Variants in ARMCX4 observed in about 807,000 individuals in gnomAD.
ARMCX4 encodes armadillo repeat containing X-linked 4.
In ARMCX4, 3 loss-of-function variants were observed where a neutral mutation model predicts 34.7. The observed-to-expected ratio is 0.09, with a 90% CI of 0.04 to 0.22. The LOEUF (loss-of-function observed/expected upper bound fraction) is 0.22, where lower values mean the gene tolerates loss of function less well. ARMCX4 is among the 10% of genes least tolerant of loss of function. ARMCX4 has a pLI of 1.00. For synonymous variants in ARMCX4, 513 were observed against 632.8 expected (o/e 0.81, Z 2.84); for missense variants, 1,448 against 1,720.8 (o/e 0.84, Z 2.81).
At chrX:101,504,018 T>C (rs1335430778) in intron 7 of ARMCX4, among the ~76,000 whole-genome samples, 33 of 112,059 alleles carry the variant, frequency 2.9e-4, no homozygotes, top group Non-Finnish European at 5.3e-4. Context: ...TAGCCAGTTT[T>C]CCCAGCACCA....
At chrX:101,479,186 T>C (rs1226695726) in intron 4 of ARMCX4, among the ~76,000 whole-genome samples, 2 of 110,048 alleles carry the variant, frequency 1.8e-5, no homozygotes, top group African/African-American at 6.6e-5. Context: ...TGAAATCATT[T>C]TTCTAAAAAA....
In ARMCX4 at chrX:101,493,291, G is replaced by T. The variant is rs782102781; in HGVS notation, c.4702G>T (p.Ala1568Ser). The change falls in exon 6 of 6, where the codon GCT becomes TCT. Residue 1568 changes from alanine (A) to serine (S), a missense_variant. By Grantham distance (99) the Ala-to-Ser change is moderately conservative. Coordinates refer to ENST00000423738, the MANE Select transcript of ARMCX4 (RefSeq NM_001256155.3). ...GACTGGGGCTGGGGCTGTGGATCAG[G>T]CTGGTGGTTGTTCCAAACCTGGATT... The part of the protein sequence containing the change: ...CWTGAGAVDQ[A>S]GGCSKPGFED... The T allele has an allele frequency of 2.4e-5, 28 of 1,155,883 alleles. No individual in the cohort carries two copies. The East Asian group carries it at 9.1e-4, about 38-fold the overall frequency.
At chrX:101,458,534 C>A (rs1249993809) in intron 4 of ARMCX4, among the ~76,000 whole-genome samples, 1 of 101,122 alleles carries the variant, frequency 9.9e-6, no homozygotes, top group Non-Finnish European at 2.0e-5. Context: ...TTTTTTGAGA[C>A]GGAGTGCAAT....
chrX:101,428,006 A>G (rs1929738485), intron 2 of ARMCX4, among the ~76,000 whole-genome samples: 1 of 112,144 alleles, frequency 8.9e-6, no homozygotes, highest in South Asian at 3.7e-4. Context: ...ATAGCATTCT[A>G]TAATTCAACA....
At chrX:101,438,124 A>C (rs1465740134) in intron 2 of ARMCX4, among the ~76,000 whole-genome samples, 1 of 111,672 alleles carries the variant, frequency 9.0e-6, no homozygotes, top group Non-Finnish European at 1.9e-5. Context: ...GGTGCTGAAA[A>C]GAATGTATGT....
At chrX:101,518,777 A>G (rs1934793736) in intron 11 of ARMCX4, among the ~76,000 whole-genome samples, 1 of 111,513 alleles carries the variant, frequency 9.0e-6, no homozygotes, top group Non-Finnish European at 1.9e-5. Context: ...GCTAAGATTA[A>G]TATCAGATAA....
intron 3 of ARMCX4, among the ~76,000 whole-genome samples, chrX:101,445,440 C>T (rs1555997794): frequency 1.8e-5 from 2 of 111,655 alleles, no homozygotes; most frequent in Non-Finnish European, 3.8e-5. Flanking sequence ...AGGGCTTGGC[C>T]TTGGCACACA....
At chrX:101,532,040 ACTAGT>A (rs1229990828) in intron 12 of ARMCX4, 7 of 111,986 alleles carry the variant, frequency 6.3e-5, no homozygotes, top group African/African-American at 2.3e-4. Context: ...CCAAAGATTC[ACTAGT>A]CTTTACTACT....
intron 4 of ARMCX4, among the ~76,000 whole-genome samples, chrX:101,458,957 A>C (rs1192573919): frequency 5.4e-5 from 6 of 112,095 alleles, no homozygotes; most frequent in Non-Finnish European, 7.5e-5. Context: ...CTACTAAAAA[A>C]CTTGGATTTT....
Position 101,495,205 on chromosome X carries a change from C to T in ARMCX4, c.6616C>T (p.Pro2206Ser). ...MTKDLLIANA[P>S]TSLINIFSKK... ...AAAAGACTTGCTCATTGCCAATGCA[C>T]CAACATCACTGATTAACATTTTTAG... The change falls in exon 6 of 6, where the codon CCA (proline) becomes TCA (serine). Residue 2206 changes from proline to serine, a missense_variant. By Grantham distance (74) the Pro-to-Ser change is moderately conservative. Coordinates refer to ENST00000423738, the MANE Select transcript of ARMCX4 (RefSeq NM_001256155.3). The T allele has an allele frequency of 8.7e-7, 1 of 1,149,103 alleles. No individual in the cohort carries two copies. The allele number at this position is 1,149,103 out of a possible 1,213,427, so 94.7% of individuals were successfully genotyped here.
At chrX:101,475,361 A>T (rs1355628563) in intron 4 of ARMCX4, among the ~76,000 whole-genome samples, 1 of 109,452 alleles carries the variant, frequency 9.1e-6, no homozygotes, top group African/African-American at 3.3e-5. Flanking sequence ...AAAAGAAAAA[A>T]GCTATGAGGG....
At chrX:101,440,389 TG>T (rs1168195666) in intron 2 of ARMCX4, among the ~76,000 whole-genome samples, 1 of 111,701 alleles carries the variant, frequency 9.0e-6, no homozygotes, top group Admixed American at 9.5e-5. Flanking sequence ...CTGCCCCTGC[TG>T]GGGGGGTGCC....
intron 2 of ARMCX4, among the ~76,000 whole-genome samples, chrX:101,432,802 G>T (rs1267723633): frequency 9.9e-6 from 1 of 101,254 alleles, no homozygotes; most frequent in Non-Finnish European, 2.0e-5. Flanking sequence ...ATATACACAT[G>T]TATGTATACA....
chrX:101,437,718 G>T (rs1212825695), intron 2 of ARMCX4, among the ~76,000 whole-genome samples: 4 of 111,368 alleles, frequency 3.6e-5, no homozygotes. Flanking sequence ...TGCTTCTCTA[G>T]TTCTTTTAAT....
Position 101,492,837 on chromosome X carries a change from G to T in ARMCX4, c.4248G>T (p.Gly1416=). Residue 1416 remains glycine (G), a synonymous_variant, in exon 6 of 6, where the codon GGG becomes GGT. Coordinates refer to ENST00000423738, the MANE Select transcript of ARMCX4 (RefSeq NM_001256155.3). Reference sequence around the variant, plus strand: ...AGGCTGGTGGAGGGTCCAAGGTGGGGCCTGAAGACCAGTCCAGTGGAAGGT... The same window carrying T: ...AGGCTGGTGGAGGGTCCAAGGTGGGTCCTGAAGACCAGTCCAGTGGAAGGT... The part of the protein sequence containing the change: ...GGQAGGGSKV[G]PEDQSSGRSW... The T allele has an allele frequency of 2.6e-6, 3 of 1,155,502 alleles. No homozygotes were observed. The highest frequency in any genetic ancestry group is 3.4e-6 in the Non-Finnish European group (3 of 872,603).
chrX:101,477,573 C>A (rs1433892222), intron 4 of ARMCX4, among the ~76,000 whole-genome samples: 6 of 107,036 alleles, frequency 5.6e-5, no homozygotes, highest in African/African-American at 2.0e-4. Context: ...TGGAAAAATT[C>A]TCTTGTTATA....
downstream of ARMCX4, among the ~76,000 whole-genome samples, chrX:101,500,613 A>C: frequency 8.9e-6 from 1 of 112,536 alleles, no homozygotes; most frequent in East Asian, 2.8e-4. Flanking sequence ...TTGCAATGGC[A>C]TACCAGACAT....
intron 5 of ARMCX4, 115 bp from the exon 6 acceptor site, chrX:101,488,329 C>T (rs1933840738): frequency 7.4e-6 from 5 of 673,210 alleles, no homozygotes; most frequent in South Asian, 3.1e-5. Context: ...TGCTAATCAT[C>T]CTCTCTTCCA....
At chrX:101,480,157 C>CACAGAG (rs59858445) in intron 4 of ARMCX4, among the ~76,000 whole-genome samples, 1 of 104,612 alleles carries the variant, frequency 9.6e-6, no homozygotes, top group African/African-American at 3.5e-5. Flanking sequence ...CACACACACA[C>CACAGAG]ACACACACAC....
Sources: allele counts gnomAD v4.1 joint callset (sites outside exome capture counted in the v4.1 genomes callset), GRCh38; gene constraint gnomAD v4.1.1; transcripts MANE v1.5; gene names NCBI Gene and HGNC (gene_info 2026-07-23, HGNC 2026-07-21).